ZFPM2: variants seen among roughly 807,000 people sequenced by gnomAD.
ZFPM2 encodes the protein zinc finger protein, FOG family member 2.
Under a neutral mutation model 98.6 loss-of-function variants are expected in ZFPM2, and 20 were observed. That is an observed-to-expected ratio of 0.20 (90% CI 0.14 to 0.29). The LOEUF (loss-of-function observed/expected upper bound fraction) is 0.29, where lower values mean the gene tolerates loss of function less well. Ranked by LOEUF, ZFPM2 falls within the 10% of genes least tolerant of loss-of-function variation. ZFPM2 has a pLI of 1.00. For synonymous variants in ZFPM2, 518 were observed against 502.7 expected (o/e 1.03, Z -0.41); for missense variants, 1,310 against 1,388.6 (o/e 0.94, Z 0.90).
At chr8:105,366,798 C>T (rs933138073) in intron 1 of ZFPM2, among the ~76,000 whole-genome samples, 1 of 151,604 alleles carries the variant, frequency 6.6e-6, no homozygotes, top group African/African-American at 2.4e-5. Context: ...AAGTCCTTGC[C>T]CATGCCTATG....
At chr8:105,334,229 G>A (rs1200580381) in intron 1 of ZFPM2, among the ~76,000 whole-genome samples, 3 of 150,640 alleles carry the variant, frequency 2.0e-5, no homozygotes, top group Non-Finnish European at 3.0e-5. Flanking sequence ...TCAATTATTT[G>A]TCTTCCCTTA....
intron 3 of ZFPM2, among the ~76,000 whole-genome samples, chr8:105,464,827 A>G (rs183742853): frequency 1.3e-5 from 2 of 152,070 alleles, no homozygotes; most frequent in Admixed American, 6.6e-5. Context: ...TTCCAACTGT[A>G]TTGAAAGCAC....
intron 5 of ZFPM2, among the ~76,000 whole-genome samples, chr8:105,769,479 T>C (rs921285613): frequency 2.0e-5 from 3 of 151,996 alleles, no homozygotes; most frequent in African/African-American, 7.2e-5. Context: ...TCGTGTCTTT[T>C]TCACCTCTCC....
chr8:105,755,747 A>T (rs1324301163), intron 5 of ZFPM2, among the ~76,000 whole-genome samples: 1 of 152,130 alleles, frequency 6.6e-6, no homozygotes, highest in African/African-American at 2.4e-5. Context: ...AAGGGTTTCT[A>T]ATTTTATAAC....
At chr8:105,440,675 C>T (rs937534935) in intron 2 of ZFPM2, among the ~76,000 whole-genome samples, 6 of 152,062 alleles carry the variant, frequency 3.9e-5, no homozygotes, top group Admixed American at 1.3e-4. Flanking sequence ...TCAAAAGACA[C>T]GAGAGAAGAT....
At chr8:105,633,113 T>C (rs1329673770) in intron 4 of ZFPM2, among the ~76,000 whole-genome samples, 2 of 152,222 alleles carry the variant, frequency 1.3e-5, no homozygotes, top group African/African-American at 2.4e-5. Flanking sequence ...AAATGGGTTT[T>C]CCAGATTCCT....
chr8:105,389,376 T>C (rs148007424), intron 1 of ZFPM2, among the ~76,000 whole-genome samples: 51 of 152,074 alleles, frequency 3.4e-4, no homozygotes, highest in African/African-American at 1.2e-3. Context: ...AAGGGTTAAA[T>C]GGACAAAGAG....
intron 4 of ZFPM2, among the ~76,000 whole-genome samples, chr8:105,573,210 A>G (rs1228701969): frequency 6.6e-6 from 1 of 152,106 alleles, no homozygotes; most frequent in Non-Finnish European, 1.5e-5. Flanking sequence ...GAGCAAGCAG[A>G]TGAGAGCATA....
chr8:105,338,278 T>G (rs1415675880), intron 1 of ZFPM2, among the ~76,000 whole-genome samples: 2 of 151,764 alleles, frequency 1.3e-5, no homozygotes, highest in Non-Finnish European at 1.5e-5. Context: ...TATGCTTTGT[T>G]CACATATATA....
intron 4 of ZFPM2, among the ~76,000 whole-genome samples, chr8:105,568,082 C>G (rs1211258033): frequency 6.6e-6 from 1 of 152,066 alleles, no homozygotes; most frequent in African/African-American, 2.4e-5. Flanking sequence ...CTTCTCTTCT[C>G]CCTCTGTTCC....
intron 5 of ZFPM2, among the ~76,000 whole-genome samples, chr8:105,756,194 G>C (rs1355147373): frequency 6.6e-6 from 1 of 152,114 alleles, no homozygotes; most frequent in African/African-American, 2.4e-5. Context: ...TGTGCATGTG[G>C]CCCTACCTTA....
intron 4 of ZFPM2, among the ~76,000 whole-genome samples, chr8:105,575,373 C>T (rs552074339): frequency 6.6e-6 from 1 of 152,170 alleles, no homozygotes; most frequent in Admixed American, 6.5e-5. Flanking sequence ...CAGAAGGCTC[C>T]GAGGATGATG....
chr8:105,612,255 C>T (rs1477166043), intron 4 of ZFPM2, among the ~76,000 whole-genome samples: 4 of 151,990 alleles, frequency 2.6e-5, no homozygotes, highest in African/African-American at 9.7e-5. Context: ...ATTCTATTTA[C>T]TGCATTTCAA....
intron 6 of ZFPM2, among the ~76,000 whole-genome samples, chr8:105,789,267 G>C (rs1260301575): frequency 6.6e-6 from 1 of 151,878 alleles, no homozygotes; most frequent in Admixed American, 6.6e-5. Flanking sequence ...CCCAGAGTGT[G>C]ATGTTCCCCT....
intron 5 of ZFPM2, among the ~76,000 whole-genome samples, chr8:105,638,175 G>GA (rs1398385399): frequency 6.6e-6 from 1 of 152,036 alleles, no homozygotes; most frequent in Non-Finnish European, 1.5e-5. Flanking sequence ...CAACTTCGGT[G>GA]AAAAGAGAGC....
intron 1 of ZFPM2, among the ~76,000 whole-genome samples, chr8:105,399,790 G>C (rs1336472514): frequency 6.6e-6 from 1 of 151,932 alleles, no homozygotes; most frequent in Non-Finnish European, 1.5e-5. Context: ...GTTTTGAGAC[G>C]AAGTCTTGCT....
intron 4 of ZFPM2, among the ~76,000 whole-genome samples, chr8:105,574,918 A>G (rs1308289169): frequency 1.3e-5 from 2 of 150,452 alleles, no homozygotes; most frequent in Non-Finnish European, 3.0e-5. Context: ...ACCCAAGTAC[A>G]TGTTAAATTC....
intron 6 of ZFPM2, chr8:105,795,704 A>ACTT (rs1219183916): frequency 5.1e-6 from 2 of 393,958 alleles, no homozygotes; most frequent in African/African-American, 2.3e-5. Flanking sequence ...TTGTGATTTT[A>ACTT]CTTCATAAAA....
chr8:105,445,140 T>C (rs757314070), intron 3 of ZFPM2, among the ~76,000 whole-genome samples: 7 of 152,182 alleles, frequency 4.6e-5, no homozygotes, highest in Non-Finnish European at 7.3e-5. Context: ...TTAAGAAAGA[T>C]CCCTATATTT....
Sources: allele counts gnomAD v4.1 joint callset (sites outside exome capture counted in the v4.1 genomes callset), GRCh38; gene constraint gnomAD v4.1.1; transcripts MANE v1.5; gene names NCBI Gene and HGNC (gene_info 2026-07-23, HGNC 2026-07-21).